The following ROS1 variants were observed in gnomAD, a reference collection of about 807,000 sequenced individuals.
The protein encoded by ROS1 is ROS proto-oncogene 1, receptor tyrosine kinase.
A neutral mutation model predicts 273.5 loss-of-function variants in ROS1; 263 were observed. The observed-to-expected ratio is 0.96, with a 90% CI of 0.87 to 1.06. The LOEUF is 1.06. ROS1 is among the 50% of genes least tolerant of loss of function. The pLI, the probability that ROS1 is intolerant of heterozygous loss-of-function variation, is 0.00. For synonymous variants in ROS1, 1,008 were observed against 954.1 expected (o/e 1.06, Z -1.04); for missense variants, 2,833 against 2,751.1 (o/e 1.03, Z -0.67).
rs570549228 is a variant in ROS1 at position 117,300,867 on chromosome 6, A to G, written c.6715+107T>C. The G allele has an allele frequency of 4.0e-5, 30 of 752,234 alleles. 1 individual carries two copies. The South Asian group carries it at 8.3e-4, about 21-fold the overall frequency. 46.6% of individuals were successfully genotyped at this position (752,234 alleles called of 1,614,324 possible). A position where few individuals can be genotyped will look rare whatever the true frequency, so the allele number is the denominator to read the frequency against. On this transcript the variant is annotated intron_variant, in intron 43 of 43. Coordinates refer to ENST00000368507, the MANE Select transcript of ROS1 (RefSeq NM_001378902.1). ...ATTATGATGACAAAGGTGCCAGTAT[A>G]TTATTCTTTTTGCCTACCCCAAAAT...
chr6:117,308,900 A>T lies in ROS1; in HGVS notation c.6445T>A (p.Leu2149Ile), dbSNP rs775729194. 10 of 1,613,218 alleles carry T rather than the reference A, an allele frequency of 6.2e-6. No individual in the cohort carries two copies. The highest frequency in any genetic ancestry group is 1.1e-5 in the South Asian group (1 of 91,040). The change falls in exon 42 of 44, where the codon TTA becomes ATA. Residue 2149 changes from leucine to isoleucine, a missense_variant. Leu to Ile is a conservative substitution (Grantham distance 5, BLOSUM62 2). Transcript: ENST00000368507. ...GGATAAGGCTGATGACCAAGAGTTA[A>T]AATCTCCCAAATCAGAATTCCAAAA... Reference protein sequence around the residue: ...WSFGILIWEILTLGHQPYPAH... With the variant: ...WSFGILIWEIITLGHQPYPAH...
intron 7 of ROS1, among the ~76,000 whole-genome samples, chr6:117,397,688 CTGACTG>C (rs1651788863): frequency 6.6e-6 from 1 of 152,236 alleles, no homozygotes; most frequent in African/African-American, 2.4e-5. Context: ...GAAATCCAGG[CTGACTG>C]AGCTTCAGCA....
rs2128622503 is a variant in ROS1, at chr6:117,341,502, C to T, written c.4782G>A (p.Leu1594=). ...SVRYQLAISH[L]ALIPETPLRQ... is the part of the protein sequence containing the mutation. Reference sequence around the variant, plus strand: ...TTAGAGGAGTTTCAGGAATTAGGGCCAGGTGTGAGATTGCCAACTGATAAC... The same window carrying T: ...TTAGAGGAGTTTCAGGAATTAGGGCTAGGTGTGAGATTGCCAACTGATAAC... Residue 1594 remains leucine (L), a synonymous_variant, in exon 30 of 44, where the codon CTG becomes CTA. Transcript: ENST00000368507. 1 of 1,613,744 alleles carries T rather than the reference C, an allele frequency of 6.2e-7. No homozygotes were observed.
rs145735139 is a variant in ROS1, at chr6:117,292,802, T to C, written c.6716-4000A>G. 4.5e-4 allele frequency among the ~76,000 whole-genome samples: 69 copies of C among 152,354 alleles called. No homozygotes were observed. In the East Asian group the frequency reaches 0.013, roughly 29 times the overall value. The stretch of plus-strand genomic sequence containing the variant: ...TTACCAACTTTCTCCTTTCTCTTTT[T>C]TACGCACTTAGTTGCCAAGTCCGAT... On this transcript the variant is annotated intron_variant, in intron 43 of 43. Coordinates refer to ENST00000368507, the MANE Select transcript of ROS1 (RefSeq NM_001378902.1).
intron 27 of ROS1, among the ~76,000 whole-genome samples, chr6:117,349,104 T>C (rs1001964269): frequency 3.3e-5 from 5 of 152,126 alleles, no homozygotes; most frequent in Non-Finnish European, 7.4e-5. Flanking sequence ...TAATTGATGG[T>C]GTTATTGAGT....
chr6:117,411,240 TCTTTCTC>T, intron 4 of ROS1, among the ~76,000 whole-genome samples: 3 of 150,050 alleles, frequency 2.0e-5, no homozygotes, highest in Non-Finnish European at 4.4e-5. Context: ...TCTCTCTCTC[TCTTTCTC>T]TCTCTCCCTC....
chr6:117,338,380 T>TA (rs1286892421), intron 31 of ROS1, among the ~76,000 whole-genome samples: 1 of 151,810 alleles, frequency 6.6e-6, no homozygotes, highest in Admixed American at 6.6e-5. Flanking sequence ...AATGAAAACT[T>TA]AAAAAAATAG....
chr6:117,309,028 C>T (rs2128546748), intron 41 of ROS1, 100 bp from the exon 42 acceptor site: 1 of 1,170,466 alleles, frequency 8.5e-7, no homozygotes, highest in Admixed American at 2.2e-5. Flanking sequence ...GCAGGGTCTA[C>T]TTTGTCAGTG....
At chr6:117,417,193 A>G (rs1379642471) in intron 2 of ROS1, among the ~76,000 whole-genome samples, 3 of 152,040 alleles carry the variant, frequency 2.0e-5, no homozygotes, top group Non-Finnish European at 4.4e-5. Flanking sequence ...TCCTACAAGC[A>G]CTTCAGATCC....
intron 8 of ROS1, 70 bp from the exon 9 acceptor site, chr6:117,396,334 G>A (rs1773486311): frequency 2.8e-6 from 3 of 1,071,388 alleles, no homozygotes; most frequent in South Asian, 2.5e-5. Flanking sequence ...AAAATAGAAG[G>A]AGCAATAACA....
At chr6:117,424,896 G>C (rs1301060488) in intron 1 of ROS1, among the ~76,000 whole-genome samples, 1 of 152,016 alleles carries the variant, frequency 6.6e-6, no homozygotes, top group African/African-American at 2.4e-5. Context: ...AGAGTACTTG[G>C]TTTTTAAAGT....
At position 117,425,629 on chromosome 6, in the gene ROS1, T is replaced by C. The variant is rs1387124417; in HGVS notation, c.28A>G (p.Lys10Glu). 6.2e-7 allele frequency: 1 copy of C among 1,611,934 alleles called. No homozygotes were observed. The highest frequency in any genetic ancestry group is 1.3e-5 in the African/African-American group (1 of 74,942). MKNIYCLIP[K>E]LVNFATLGCL... is the part of the protein sequence containing the mutation. The stretch of plus-strand genomic sequence containing the variant: ...CCAAGAGTTGCAAAATTGACAAGCT[T>C]CGGAATAAGACAGTAAATGTTCTTC... Residue 10 changes from lysine to glutamate, a missense_variant, in exon 1 of 44, where the codon AAG becomes GAG. Physicochemically the swap from Lys to Glu is moderately conservative, Grantham distance 56 (BLOSUM62 1). Transcript: ENST00000368507.
intron 43 of ROS1, among the ~76,000 whole-genome samples, chr6:117,294,867 T>C (rs1774098619): frequency 6.6e-6 from 1 of 152,142 alleles, no homozygotes; most frequent in South Asian, 2.1e-4. Flanking sequence ...ATCAATATTG[T>C]TAAAATGGCC....
chr6:117,414,566 A>G (rs1775192793), intron 3 of ROS1, 21 bp from the exon 4 acceptor site: 2 of 722,608 alleles, frequency 2.8e-6, no homozygotes, highest in Non-Finnish European at 5.0e-6. Context: ...AAAAAAAAAG[A>G]CTACTTAAAA....
chr6:117,360,043 A>G (rs1422450299), intron 23 of ROS1, 32 bp from the exon 24 acceptor site: 1 of 1,554,760 alleles, frequency 6.4e-7, no homozygotes, highest in South Asian at 1.1e-5. Context: ...GATAATATGC[A>G]TGAGAAAACT....
intron 4 of ROS1, among the ~76,000 whole-genome samples, chr6:117,414,280 T>C (rs566638284): frequency 1.3e-5 from 2 of 152,256 alleles, no homozygotes; most frequent in Non-Finnish European, 2.9e-5. Context: ...TGAATGTGTG[T>C]GTATGCACAT....
intron 31 of ROS1, among the ~76,000 whole-genome samples, 179 bp from the exon 32 acceptor site, chr6:117,337,519 T>C (rs562863354): frequency 1.7e-4 from 26 of 152,250 alleles, no homozygotes; most frequent in African/African-American, 6.0e-4. Context: ...GTTTTGCTTT[T>C]TATGACAAGA....
At chr6:117,363,020 A>G (rs1779935087) in intron 21 of ROS1, among the ~76,000 whole-genome samples, 155 bp from the exon 22 acceptor site, 1 of 152,170 alleles carries the variant, frequency 6.6e-6, no homozygotes, top group Admixed American at 6.5e-5. Flanking sequence ...GATCTTCAGG[A>G]GAGAATATTC....
intron 18 of ROS1, among the ~76,000 whole-genome samples, chr6:117,372,088 G>T (rs984409001): frequency 1.3e-5 from 2 of 152,088 alleles, no homozygotes. Flanking sequence ...GCATAGAAGG[G>T]GCATATCTTA....
Sources: gnomAD v4.1 joint callset for allele counts (sites outside exome capture counted in the v4.1 genomes callset) on GRCh38, gnomAD v4.1.1 for gene constraint, MANE v1.5 for transcripts, NCBI Gene and HGNC (gene_info 2026-07-23, HGNC 2026-07-21) for gene names.